ARB2A: variants seen among roughly 807,000 people sequenced by gnomAD.
ARB2A encodes the protein ARB2 cotranscriptional regulator A.
the ARB2A span, among the ~76,000 whole-genome samples, chr5:94,051,050 T>G: frequency 6.6e-6 from 1 of 152,222 alleles, no homozygotes; most frequent in Non-Finnish European, 1.5e-5. Context: ...CTTCTTGACC[T>G]TCATGTCTCT....
the ARB2A span, among the ~76,000 whole-genome samples, chr5:93,851,612 C>A: frequency 6.6e-6 from 1 of 152,178 alleles, no homozygotes; most frequent in Non-Finnish European, 1.5e-5. Context: ...GCTTCCGCCA[C>A]CCCACAACAG....
chr5:93,741,726 C>T, the ARB2A span: 1 of 778,402 alleles, frequency 1.3e-6, no homozygotes, highest in Non-Finnish European at 2.0e-6. Flanking sequence ...TCCATAGGAA[C>T]TCCTGGGTCC....
chr5:93,762,817 C>T, the ARB2A span, among the ~76,000 whole-genome samples: 1 of 152,144 alleles, frequency 6.6e-6, no homozygotes, highest in African/African-American at 2.4e-5. Context: ...GTGGGTTACC[C>T]ACAAAGGGAA....
At chr5:93,977,718 T>C in the ARB2A span, among the ~76,000 whole-genome samples, 1 of 152,160 alleles carries the variant, frequency 6.6e-6, no homozygotes, top group African/African-American at 2.4e-5. Context: ...AAAGAATTTA[T>C]GACAAAGTCC....
the ARB2A span, among the ~76,000 whole-genome samples, chr5:94,071,789 C>G: frequency 6.6e-6 from 1 of 151,994 alleles, no homozygotes; most frequent in East Asian, 1.9e-4. Flanking sequence ...TACAGCCACT[C>G]TGGAAAATAA....
At chr5:93,672,555 G>A in the ARB2A span, among the ~76,000 whole-genome samples, 25 of 151,966 alleles carry the variant, frequency 1.6e-4, no homozygotes, top group Middle Eastern at 3.4e-3. Context: ...TGATCCACCC[G>A]CCTCAGCCTC....
At chr5:93,924,709 A>G in the ARB2A span, among the ~76,000 whole-genome samples, 2 of 152,194 alleles carry the variant, frequency 1.3e-5, no homozygotes, top group African/African-American at 2.4e-5. Flanking sequence ...ACAAAACTCT[A>G]AAGTGTTGAA....
the ARB2A span, among the ~76,000 whole-genome samples, chr5:94,082,085 T>A: frequency 6.6e-6 from 1 of 152,144 alleles, no homozygotes; most frequent in African/African-American, 2.4e-5. Context: ...AAGAGGAGCA[T>A]TATATAAAGA....
At chr5:93,882,543 A>T in the ARB2A span, among the ~76,000 whole-genome samples, 1 of 150,930 alleles carries the variant, frequency 6.6e-6, no homozygotes, top group African/African-American at 2.4e-5. Context: ...CCTGGCAAAC[A>T]TTTCTGTGGT....
the ARB2A span, among the ~76,000 whole-genome samples, chr5:93,975,513 G>T: frequency 6.6e-6 from 1 of 151,922 alleles, no homozygotes; most frequent in African/African-American, 2.4e-5. Flanking sequence ...AAAAAATTTG[G>T]TTCTTTGAAA....
the ARB2A span, among the ~76,000 whole-genome samples, chr5:93,783,231 T>C: frequency 2.0e-5 from 3 of 152,174 alleles, no homozygotes; most frequent in African/African-American, 7.2e-5. Context: ...ACTATTTATA[T>C]AATGCTAGGA....
chr5:94,065,092 A>G, the ARB2A span, among the ~76,000 whole-genome samples: 1 of 152,248 alleles, frequency 6.6e-6, no homozygotes, highest in African/African-American at 2.4e-5. Context: ...TTTAATATAA[A>G]TGAATTAAAC....
At chr5:93,993,772 T>A in the ARB2A span, among the ~76,000 whole-genome samples, 1 of 151,470 alleles carries the variant, frequency 6.6e-6, no homozygotes, top group African/African-American at 2.4e-5. Flanking sequence ...AGACTGACCA[T>A]GCAGACCTGT....
the ARB2A span, among the ~76,000 whole-genome samples, chr5:93,829,674 C>A: frequency 5.6e-3 from 854 of 152,232 alleles, 6 homozygotes; most frequent in African/African-American, 0.02. Flanking sequence ...TATTAAAATA[C>A]AAACATACTT....
the ARB2A span, among the ~76,000 whole-genome samples, chr5:94,081,088 C>T: frequency 6.6e-6 from 1 of 152,080 alleles, no homozygotes; most frequent in African/African-American, 2.4e-5. Flanking sequence ...AAAAGATGCT[C>T]AATATCATTA....
At chr5:93,746,561 G>A in the ARB2A span, among the ~76,000 whole-genome samples, 1 of 152,110 alleles carries the variant, frequency 6.6e-6, no homozygotes, top group Non-Finnish European at 1.5e-5. Flanking sequence ...AAAAATGGCT[G>A]CTTTGTAATG....
the ARB2A span, among the ~76,000 whole-genome samples, chr5:93,754,957 A>G: frequency 2.0e-5 from 3 of 152,234 alleles, no homozygotes; most frequent in Admixed American, 1.3e-4. Flanking sequence ...GCCTAAATAA[A>G]TAAGTTATTT....
the ARB2A span, chr5:93,740,554 CGTGAAGGG>C: frequency 1.3e-6 from 2 of 1,567,858 alleles, no homozygotes; most frequent in Non-Finnish European, 1.7e-6. Context: ...CCAACCGTGC[CGTGAAGGG>C]CAAGCCCCTC....
At chr5:93,932,654 A>G in the ARB2A span, among the ~76,000 whole-genome samples, 6 of 152,346 alleles carry the variant, frequency 3.9e-5, no homozygotes, top group East Asian at 1.2e-3. Context: ...CATCCCACTT[A>G]CATAATTGGA....
Sources: gnomAD v4.1 joint callset for allele counts (sites outside exome capture counted in the v4.1 genomes callset) on GRCh38, gnomAD v4.1.1 for gene constraint, MANE v1.5 for transcripts, NCBI Gene and HGNC (gene_info 2026-07-23, HGNC 2026-07-21) for gene names.